UBE2E2: variants seen among roughly 807,000 people sequenced by gnomAD.
UBE2E2 encodes the protein ubiquitin-conjugating enzyme E2 E2.
A neutral mutation model predicts 24.7 loss-of-function variants in UBE2E2; 6 were observed. The ratio of observed to expected loss-of-function variants is 0.24; its 90% CI spans 0.13 to 0.48. The LOEUF is 0.48. UBE2E2 is among the 20% of genes least tolerant of loss of function. The pLI, the probability that UBE2E2 is intolerant of heterozygous loss-of-function variation, is 0.99. For synonymous variants in UBE2E2, 104 were observed against 83.6 expected (o/e 1.24, Z -1.33); for missense variants, 169 against 245.0 (o/e 0.69, Z 2.07).
chr3:23,432,132 C>G (rs1698075837), intron 3 of UBE2E2, among the ~76,000 whole-genome samples: 1 of 152,156 alleles, frequency 6.6e-6, no homozygotes, highest in Admixed American at 6.5e-5. Context: ...TATGTTTTGT[C>G]AGATACAGTA....
intron 3 of UBE2E2, among the ~76,000 whole-genome samples, chr3:23,497,742 T>A (rs1699635459): frequency 6.6e-6 from 1 of 152,202 alleles, no homozygotes; most frequent in Non-Finnish European, 1.5e-5. Context: ...GCGAGTTTTT[T>A]CAAATTGTCA....
rs59735910 is a variant in UBE2E2 at position 23,393,013 on chromosome 3, G to A, written c.228-106595G>A. On this transcript the variant is annotated intron_variant, in intron 3 of 5. Coordinates refer to ENST00000396703, the MANE Select transcript of UBE2E2 (RefSeq NM_152653.4). ...GGCGATGGAGGCCAAATCTTACAGA[G>A]CCTTGGGAAGCCTGTGAAGGAAGAT... 9.8e-3 allele frequency among the ~76,000 whole-genome samples: 1,486 copies of A among 152,244 alleles called. 22 individuals are homozygous for A. The highest frequency in any genetic ancestry group is 0.034 in the African/African-American group (1,420 of 41,520).
chr3:23,357,381 C>G (rs1371948428), intron 3 of UBE2E2, among the ~76,000 whole-genome samples: 1 of 151,876 alleles, frequency 6.6e-6, no homozygotes, highest in African/African-American at 2.4e-5. Flanking sequence ...TTGAGGATGC[C>G]AGTGCCTGGA....
At chr3:23,288,741 C>T (rs955963664) in intron 3 of UBE2E2, among the ~76,000 whole-genome samples, 5 of 151,066 alleles carry the variant, frequency 3.3e-5, no homozygotes, top group African/African-American at 7.3e-5. Flanking sequence ...AGCTGGTATT[C>T]TTTGCACACA....
At chr3:23,501,042 G>T (rs1179923033) in intron 4 of UBE2E2, among the ~76,000 whole-genome samples, 1 of 151,914 alleles carries the variant, frequency 6.6e-6, no homozygotes, top group Non-Finnish European at 1.5e-5. Context: ...CCCTTTACTG[G>T]ATGGGACCCT....
intron 4 of UBE2E2, among the ~76,000 whole-genome samples, chr3:23,515,326 GCACACA>G (rs760205078): frequency 6.6e-6 from 1 of 152,100 alleles, no homozygotes; most frequent in Non-Finnish European, 1.5e-5. Flanking sequence ...CTGCAGGTGT[GCACACA>G]CATGTAAATA....
chr3:23,326,872 G>A (rs892648808), intron 3 of UBE2E2, among the ~76,000 whole-genome samples: 1 of 151,938 alleles, frequency 6.6e-6, no homozygotes, highest in African/African-American at 2.4e-5. Context: ...CCCACCCTGT[G>A]TCCAAGTGTT....
chr3:23,247,020 A>G (rs1270605856), intron 3 of UBE2E2, among the ~76,000 whole-genome samples: 1 of 151,750 alleles, frequency 6.6e-6, no homozygotes. Flanking sequence ...CAGCTAATTT[A>G]AAAACGTTTT....
Position 23,589,604 on chromosome 3 carries a change from G to A in UBE2E2, c.509-130G>A, listed in dbSNP as rs532422934. The A allele has an allele frequency of 2.3e-5, 19 of 832,128 alleles. No individual in the cohort carries two copies. Among genetic ancestry groups the A allele is most frequent in the Admixed American group, 1.2e-4 (5 of 41,502 alleles). The allele number at this position is 832,128 out of a possible 1,614,324, so 51.5% of individuals were successfully genotyped here. A position where few individuals can be genotyped will look rare whatever the true frequency, so the allele number is the denominator to read the frequency against. Reference sequence around the variant, plus strand: ...TCAGCAGCAGGTGACTGGCTCAGCCGCAGCAATGGTGGTCCAGGTTAGAAC... The same window carrying A: ...TCAGCAGCAGGTGACTGGCTCAGCCACAGCAATGGTGGTCCAGGTTAGAAC... On this transcript the variant is annotated intron_variant, in intron 5 of 5. Transcript: ENST00000396703. This position sits in a 1 kb window ranked among gnomAD's most constrained non-coding sequence, Gnocchi z 4.1.
chr3:23,463,089 C>G (rs1281834559), intron 3 of UBE2E2, among the ~76,000 whole-genome samples: 2 of 152,128 alleles, frequency 1.3e-5, no homozygotes, highest in Non-Finnish European at 2.9e-5. Context: ...AAAAGGAGAT[C>G]AGTAAATGTT....
At chr3:23,348,425 T>A (rs1404970663) in intron 3 of UBE2E2, among the ~76,000 whole-genome samples, 1 of 151,962 alleles carries the variant, frequency 6.6e-6, no homozygotes. Flanking sequence ...GAAGCTTAAT[T>A]GTGAATTAGA....
At chr3:23,419,773 A>T (rs1230282360) in intron 3 of UBE2E2, among the ~76,000 whole-genome samples, 2 of 152,164 alleles carry the variant, frequency 1.3e-5, no homozygotes. Context: ...AAATGAATGA[A>T]TGAGTCTTTG....
chr3:23,315,318 TTC>T (rs1260149935), intron 3 of UBE2E2, among the ~76,000 whole-genome samples: 2 of 149,456 alleles, frequency 1.3e-5, no homozygotes, highest in Admixed American at 6.6e-5. Flanking sequence ...TTTTTTTTTT[TTC>T]ATTTGTCTCC....
chr3:23,213,932 C>A (rs1696396978), intron 2 of UBE2E2, among the ~76,000 whole-genome samples: 1 of 152,072 alleles, frequency 6.6e-6, no homozygotes, highest in East Asian at 1.9e-4. Flanking sequence ...GAAATAGGTA[C>A]CTTTCTTATC....
intron 5 of UBE2E2, among the ~76,000 whole-genome samples, chr3:23,554,794 C>T (rs1695735444): frequency 6.6e-6 from 1 of 151,862 alleles, no homozygotes. Flanking sequence ...CAACTACAGA[C>T]TGGGAAAAAA....
At chr3:23,218,054 A>G (rs186101553) in intron 3 of UBE2E2, among the ~76,000 whole-genome samples, 5 of 152,250 alleles carry the variant, frequency 3.3e-5, no homozygotes, top group Admixed American at 3.3e-4. Context: ...GAACCAGGCC[A>G]ACCTGGAGTT....
chr3:23,411,697 A>G (rs557805223), intron 3 of UBE2E2, among the ~76,000 whole-genome samples: 11 of 152,328 alleles, frequency 7.2e-5, no homozygotes, highest in Admixed American at 4.6e-4. Flanking sequence ...CTGGATAGCA[A>G]TATCATCTTA....
intron 3 of UBE2E2, among the ~76,000 whole-genome samples, chr3:23,295,889 G>T (rs1379974508): frequency 1.3e-5 from 2 of 152,180 alleles, no homozygotes; most frequent in Non-Finnish European, 1.5e-5. Flanking sequence ...GATTGGAGCA[G>T]ATGTCCCCCA....
chr3:23,337,114 T>G lies in UBE2E2; in HGVS notation c.227+119802T>G, dbSNP rs1311378521. Among the ~76,000 whole-genome samples the G allele has an allele frequency of 2.0e-5, 3 of 146,878 alleles. No individual in the cohort carries two copies. The South Asian group carries it at 6.4e-4, about 32-fold the overall frequency. ...GAGATCATGCTACTGCACTCCAGCC[T>G]GGGCAACAGAGTGAGAGCCTGTCTC... is the stretch of plus-strand genomic sequence containing the variant. On this transcript the variant is annotated intron_variant, in intron 3 of 5. Coordinates refer to ENST00000396703, the MANE Select transcript of UBE2E2 (RefSeq NM_152653.4).
Sources: allele counts gnomAD v4.1 joint callset (sites outside exome capture counted in the v4.1 genomes callset), GRCh38; gene constraint gnomAD v4.1.1; non-coding constraint Gnocchi (gnomAD v3.1); transcripts MANE v1.5; gene names NCBI Gene and HGNC (gene_info 2026-07-23, HGNC 2026-07-21).